The following C7 variants were observed in gnomAD, a reference collection of about 807,000 sequenced individuals.
C7 encodes complement component C7.
Under a neutral mutation model 104.8 loss-of-function variants are expected in C7, and 83 were observed. The ratio of observed to expected loss-of-function variants is 0.79; its 90% CI spans 0.66 to 0.95. The LOEUF is 0.95. Among genes scored for constraint, C7 ranks in the 40% least tolerant of loss-of-function variants. C7 has a pLI of 0.00. For missense variants in C7, 1,070 were observed against 1,011.2 expected, an observed-to-expected ratio of 1.06 and a Z score of -0.79; for synonymous variants, 415 against 360.6, an observed-to-expected ratio of 1.15 and a Z score of -1.71.
intron 10 of C7, 78 bp downstream of exon 10, chr5:40,955,631 G>C: frequency 7.4e-7 from 1 of 1,356,004 alleles, no homozygotes; most frequent in Middle Eastern, 1.9e-4. Context: ...GTTAAATCAA[G>C]ATGGTTAAAC....
chr5:40,955,351 A>G, intron 9 of C7, 36 bp from the exon 10 acceptor site: 2 of 1,554,532 alleles, frequency 1.3e-6, no homozygotes, highest in African/African-American at 1.4e-5. Context: ...AATACTTGAT[A>G]GACTTTTCAC....
intron 1 of C7, among the ~76,000 whole-genome samples, chr5:40,910,489 A>G (rs1739184320): frequency 1.3e-5 from 2 of 152,196 alleles, no homozygotes; most frequent in South Asian, 4.1e-4. Context: ...GGAGCAAGAT[A>G]TGGATCTTGA....
chr5:40,937,403 T>C, intron 5 of C7, 149 bp from the exon 6 acceptor site: 1 of 669,874 alleles, frequency 1.5e-6, no homozygotes. Flanking sequence ...TGCTGTGCTC[T>C]TCATTTGAAC....
Position 40,934,338 on chromosome 5 carries a change from C to T in C7, c.152C>T (p.Ser51Leu). ...CTTTGTGTTTAGACTCGCAGGCGGTCAGTTGCTGTGTATGGGCAGTATGGA... is the reference window on the plus strand; with the variant it reads ...CTTTGTGTTTAGACTCGCAGGCGGTTAGTTGCTGTGTATGGGCAGTATGGA... ...GCTKTQTRRR[S>L]VAVYGQYGGQ... is the part of the protein sequence containing the mutation. The change falls in exon 4 of 18, where the codon TCA becomes TTA. Residue 51 changes from serine to leucine, a missense_variant. Ser to Leu is a moderately radical substitution (Grantham distance 145, BLOSUM62 -2). Transcript: ENST00000313164. 6.2e-7 allele frequency: 1 copy of T among 1,600,536 alleles called. No homozygotes were observed. The highest frequency in any genetic ancestry group is 8.5e-7 in the Non-Finnish European group (1 of 1,173,034).
chr5:40,937,645 A>C lies in C7; in HGVS notation c.522A>C (p.Lys174Asn), dbSNP rs1356431391. The C allele has an allele frequency of 6.2e-7, 1 of 1,608,082 alleles. No individual in the cohort carries two copies. The highest frequency in any genetic ancestry group is 1.1e-5 in the South Asian group (1 of 90,152). The part of the protein sequence containing the change: ...QCRKVFSGDG[K>N]DFYRLSGNVL... ...GAAAGGTGTTTAGTGGGGATGGAAAAGATTTCTACAGGCTGAGTGGAAATG... is the reference window on the plus strand; with the variant it reads ...GAAAGGTGTTTAGTGGGGATGGAAACGATTTCTACAGGCTGAGTGGAAATG... The change falls in exon 6 of 18, where the codon AAA becomes AAC. Residue 174 changes from lysine to asparagine, a missense_variant. Coordinates refer to ENST00000313164, the MANE Select transcript of C7 (RefSeq NM_000587.4).
chr5:40,978,873 A>ATTTTTTTTTTTTTTTTTTTTTTTTTT lies in C7; in HGVS notation c.2166-828_2166-827insTTTTTTTTTTTTTTTTTTTTTTTTTT, dbSNP rs372551834. 9.0e-3 allele frequency among the ~76,000 whole-genome samples: 719 copies of ATTTTTTTTTTTTTTTTTTTTTTTTTT among 79,948 alleles called. 51 individuals carry two copies. The highest frequency in any genetic ancestry group is 0.016 in the Middle Eastern group (2 of 124). The allele number at this position is 79,948 out of a possible 152,430, so 52.4% of individuals were successfully genotyped here. On this transcript the variant is annotated intron_variant, in intron 16 of 17. Coordinates refer to ENST00000313164, the MANE Select transcript of C7 (RefSeq NM_000587.4). ...GAGGAAGGTAACACATTTTATGGAAATTTTTTTTTTTTTTTTTTTTTTTTG... is the reference window on the plus strand; with the variant it reads ...GAGGAAGGTAACACATTTTATGGAAATTTTTTTTTTTTTTTTTTTTTTTTTTTTTTTTTTTTTTTTTTTTTTTTTTG...
chr5:40,929,208 A>G (rs1739622281), intron 2 of C7, among the ~76,000 whole-genome samples: 1 of 152,136 alleles, frequency 6.6e-6, no homozygotes, highest in Admixed American at 6.6e-5. Flanking sequence ...CACTGGGAGC[A>G]TGCTGGGTGA....
intron 14 of C7, among the ~76,000 whole-genome samples, chr5:40,965,722 A>T (rs1289600041): frequency 6.6e-6 from 1 of 150,676 alleles, no homozygotes; most frequent in African/African-American, 2.4e-5. Flanking sequence ...GCTCACTGCA[A>T]CCTCCACATC....
Position 40,972,511 on chromosome 5 carries a change from C to A in C7, c.1991C>A (p.Ser664Tyr), listed in dbSNP as rs758903222. 6.2e-7 allele frequency: 1 copy of A among 1,613,738 alleles called. No homozygotes were observed. The highest frequency in any genetic ancestry group is 1.1e-5 in the South Asian group (1 of 91,036). ...KVTVSCSGGM[S>Y]LEGPSAFLCG... ...ACTGTTTCCTGTTCAGGTGGCATGT[C>A]CTTAGAAGGTCCTTCAGCATTTCTC... The change falls in exon 15 of 18, where the codon TCC (serine) becomes TAC (tyrosine). Residue 664 changes from serine to tyrosine, a missense_variant. Coordinates refer to ENST00000313164, the MANE Select transcript of C7 (RefSeq NM_000587.4).
chr5:40,957,613 A>C (rs1740317602), intron 10 of C7, among the ~76,000 whole-genome samples: 1 of 151,472 alleles, frequency 6.6e-6, no homozygotes, highest in Non-Finnish European at 1.5e-5. Context: ...GCGCCACCAC[A>C]CCCTGCTAAT....
At chr5:40,945,455 C>G in intron 7 of C7, 87 bp downstream of exon 7, 1 of 859,682 alleles carries the variant, frequency 1.2e-6, no homozygotes, top group Non-Finnish European at 1.7e-6. Context: ...TCAAAAGGAT[C>G]AGCTTTCATA....
intron 9 of C7, among the ~76,000 whole-genome samples, chr5:40,951,514 T>C (rs553813397): frequency 2.0e-5 from 3 of 152,264 alleles, no homozygotes; most frequent in African/African-American, 7.2e-5. Flanking sequence ...TATTGGGTAC[T>C]TACTCTCACT....
chr5:40,911,745 T>TC (rs1476402801), intron 1 of C7, among the ~76,000 whole-genome samples: 1 of 150,978 alleles, frequency 6.6e-6, no homozygotes, highest in African/African-American at 2.4e-5. Flanking sequence ...TCTTTCTTTT[T>TC]TTTTTTTTTT....
At chr5:40,966,050 T>C (rs1561256106) in intron 14 of C7, among the ~76,000 whole-genome samples, 1 of 152,158 alleles carries the variant, frequency 6.6e-6, no homozygotes, top group Non-Finnish European at 1.5e-5. Context: ...CTTTTGTCCA[T>C]TAAAAATAAT....
chr5:40,944,636 C>CTAA (rs764308505), intron 6 of C7, among the ~76,000 whole-genome samples: 2 of 152,206 alleles, frequency 1.3e-5, no homozygotes, highest in East Asian at 1.9e-4. Flanking sequence ...CTACATGTGA[C>CTAA]TAACCTATTG....
At chr5:40,909,979 T>A (rs1038446176) in intron 1 of C7, among the ~76,000 whole-genome samples, 5 of 151,402 alleles carry the variant, frequency 3.3e-5, no homozygotes, top group Non-Finnish European at 7.4e-5. Flanking sequence ...GGTGTATTTT[T>A]TTTTTTTTTT....
chr5:40,917,202 T>A (rs913225010), intron 1 of C7, among the ~76,000 whole-genome samples: 1 of 151,880 alleles, frequency 6.6e-6, no homozygotes, highest in African/African-American at 2.4e-5. Context: ...GTATGATAGA[T>A]CTCTTGAACT....
At chr5:40,939,566 G>T (rs1739890246) in intron 6 of C7, among the ~76,000 whole-genome samples, 1 of 152,116 alleles carries the variant, frequency 6.6e-6, no homozygotes, top group Non-Finnish European at 1.5e-5. Flanking sequence ...ATTCAACGTG[G>T]TGAATAACAT....
Position 40,964,759 on chromosome 5 carries a change from C to G in C7, c.1768C>G (p.Pro590Ala). Residue 590 changes from proline to alanine, a missense_variant, in exon 14 of 18, where the codon CCT becomes GCT. Coordinates refer to ENST00000313164, the MANE Select transcript of C7 (RefSeq NM_000587.4). ...GFVQDEGTMF[P>A]VGKNVVYTCN... The stretch of plus-strand genomic sequence containing the variant: ...TGTTTAGGATGAAGGTACAATGTTT[C>G]CTGTGGGGAAAAATGTAGTGTACAC... 1.2e-6 allele frequency: 2 copies of G among 1,613,090 alleles called. No individual in the cohort carries two copies. The highest frequency in any genetic ancestry group is 1.7e-6 in the Non-Finnish European group (2 of 1,179,286).
Sources: gnomAD v4.1 joint callset for allele counts (sites outside exome capture counted in the v4.1 genomes callset) on GRCh38, gnomAD v4.1.1 for gene constraint, MANE v1.5 for transcripts, NCBI Gene and HGNC (gene_info 2026-07-23, HGNC 2026-07-21) for gene names.